Variants in RABGAP1L observed in about 807,000 individuals in gnomAD.
RABGAP1L encodes RAB GTPase activating protein 1 like.
A neutral mutation model predicts 137.7 loss-of-function variants in RABGAP1L; 63 were observed. That is an observed-to-expected ratio of 0.46 (90% CI 0.37 to 0.56). RABGAP1L has a LOEUF of 0.56. Among genes scored for constraint, RABGAP1L ranks in the 20% least tolerant of loss-of-function variants. The probability of loss-of-function intolerance (pLI) is 0.00; values close to 1 mark genes in which losing one functional copy is unlikely to be tolerated. For synonymous variants in RABGAP1L, 431 were observed against 433.7 expected, an observed-to-expected ratio of 0.99 and a Z score of 0.08; for missense variants, 1,095 against 1,244.0, an observed-to-expected ratio of 0.88 and a Z score of 1.80.
At chr1:174,513,615 C>A (rs1662546820) in intron 13 of RABGAP1L, among the ~76,000 whole-genome samples, 1 of 151,956 alleles carries the variant, frequency 6.6e-6, no homozygotes, top group Non-Finnish European at 1.5e-5. Flanking sequence ...ATTATACCCC[C>A]AAAAATAAAT....
intron 13 of RABGAP1L, among the ~76,000 whole-genome samples, chr1:174,585,013 G>C (rs1056404260): frequency 6.6e-6 from 1 of 151,944 alleles, no homozygotes; most frequent in Non-Finnish European, 1.5e-5. Context: ...AGTGTTGTAA[G>C]TATAAAATAT....
At chr1:174,866,153 GA>G (rs1159104458) in intron 19 of RABGAP1L, among the ~76,000 whole-genome samples, 3 of 146,562 alleles carry the variant, frequency 2.0e-5, no homozygotes, top group Non-Finnish European at 4.5e-5. Flanking sequence ...GAGAGAGAGA[GA>G]GAGAGAGAGA....
At chr1:174,601,471 G>A (rs1670405799) in intron 13 of RABGAP1L, among the ~76,000 whole-genome samples, 1 of 151,976 alleles carries the variant, frequency 6.6e-6, no homozygotes, top group Non-Finnish European at 1.5e-5. Context: ...ATAGGGTGGG[G>A]AACATCACAC....
chr1:174,451,688 T>C (rs551538859), intron 13 of RABGAP1L, among the ~76,000 whole-genome samples: 4 of 152,288 alleles, frequency 2.6e-5, no homozygotes, highest in Admixed American at 1.3e-4. Context: ...CCCTACAATA[T>C]TTCTCTGAGT....
At chr1:174,525,273 G>T (rs1663777043) in intron 13 of RABGAP1L, among the ~76,000 whole-genome samples, 1 of 152,066 alleles carries the variant, frequency 6.6e-6, no homozygotes, top group Admixed American at 6.6e-5. Context: ...TGATCCATGA[G>T]CATGGGTTGT....
chr1:174,633,741 C>G (rs1465579622), intron 13 of RABGAP1L, among the ~76,000 whole-genome samples: 2 of 140,782 alleles, frequency 1.4e-5, no homozygotes, highest in South Asian at 4.8e-4. Context: ...ATACCTACAA[C>G]TATCTGATCT....
At chr1:174,861,623 C>CT (rs958430703) in intron 19 of RABGAP1L, among the ~76,000 whole-genome samples, 61 of 151,186 alleles carry the variant, frequency 4.0e-4, no homozygotes, top group African/African-American at 1.1e-3. Flanking sequence ...ATTGTTATCT[C>CT]TTTTTTTTTA....
At chr1:174,526,880 G>C (rs1235769359) in intron 13 of RABGAP1L, among the ~76,000 whole-genome samples, 1 of 151,880 alleles carries the variant, frequency 6.6e-6, no homozygotes, top group Non-Finnish European at 1.5e-5. Context: ...GGTTTGGTTT[G>C]TTCTTGCTCT....
At chr1:174,861,571 A>G (rs1573551041) in intron 19 of RABGAP1L, among the ~76,000 whole-genome samples, 1 of 152,126 alleles carries the variant, frequency 6.6e-6, no homozygotes, top group Admixed American at 6.5e-5. Flanking sequence ...ATTTCCACCA[A>G]AAGTGTATAA....
At chr1:174,604,973 T>G (rs1670673282) in intron 13 of RABGAP1L, among the ~76,000 whole-genome samples, 2 of 152,088 alleles carry the variant, frequency 1.3e-5, no homozygotes. Context: ...AAACCCACTC[T>G]CTACCAAAAA....
At chr1:174,341,079 T>C (rs2148891827) in intron 11 of RABGAP1L, among the ~76,000 whole-genome samples, 1 of 152,336 alleles carries the variant, frequency 6.6e-6, no homozygotes, top group Middle Eastern at 3.4e-3. Flanking sequence ...GAAGTGTCTG[T>C]TCATGTCCCT....
intron 19 of RABGAP1L, among the ~76,000 whole-genome samples, chr1:174,860,298 A>G (rs1301344011): frequency 6.6e-6 from 1 of 152,066 alleles, no homozygotes; most frequent in Non-Finnish European, 1.5e-5. Flanking sequence ...AGGTGGAAGG[A>G]TATTTTATTT....
intron 13 of RABGAP1L, among the ~76,000 whole-genome samples, chr1:174,441,287 C>G (rs1000065256): frequency 1.3e-5 from 2 of 151,634 alleles, no homozygotes; most frequent in Non-Finnish European, 2.9e-5. Flanking sequence ...GAAAATGAAG[C>G]GAATTATGCC....
At chr1:174,579,265 A>T (rs1668575143) in intron 13 of RABGAP1L, among the ~76,000 whole-genome samples, 1 of 152,142 alleles carries the variant, frequency 6.6e-6, no homozygotes, top group African/African-American at 2.4e-5. Context: ...TTTAATGCTA[A>T]TCAGTGGGAA....
intron 13 of RABGAP1L, among the ~76,000 whole-genome samples, chr1:174,517,338 C>T (rs1328377194): frequency 6.6e-6 from 1 of 152,022 alleles, no homozygotes; most frequent in African/African-American, 2.4e-5. Flanking sequence ...TTGAGAGAAA[C>T]ATACCTTTTG....
At chr1:174,907,487 G>A (rs1041654128) in intron 19 of RABGAP1L, among the ~76,000 whole-genome samples, 11 of 151,626 alleles carry the variant, frequency 7.3e-5, no homozygotes, top group African/African-American at 2.2e-4. Context: ...TCATTTTTTT[G>A]TATTTTTTGT....
chr1:174,451,694 T>C (rs896146640), intron 13 of RABGAP1L, among the ~76,000 whole-genome samples: 3 of 152,218 alleles, frequency 2.0e-5, no homozygotes, highest in Admixed American at 2.0e-4. Flanking sequence ...AATATTTCTC[T>C]GAGTTTTATT....
chr1:174,756,993 A>T, intron 18 of RABGAP1L: 1 of 909,396 alleles, frequency 1.1e-6, no homozygotes, highest in Non-Finnish European at 1.7e-6. Flanking sequence ...AGGACAACAT[A>T]GGCCTTGTCA....
intron 3 of RABGAP1L, among the ~76,000 whole-genome samples, chr1:174,230,414 A>G (rs1282476447): frequency 6.6e-6 from 1 of 152,128 alleles, no homozygotes; most frequent in East Asian, 1.9e-4. Flanking sequence ...AAGAATAAAA[A>G]AAAAGGAAGT....
Sources: gnomAD v4.1 joint callset for allele counts (sites outside exome capture counted in the v4.1 genomes callset) on GRCh38, gnomAD v4.1.1 for gene constraint, MANE v1.5 for transcripts, NCBI Gene and HGNC (gene_info 2026-07-23, HGNC 2026-07-21) for gene names.